Variants in MBOAT2 observed in about 807,000 individuals in gnomAD.
The protein encoded by MBOAT2 is membrane-bound glycerophospholipid O-acyltransferase 2.
A neutral mutation model predicts 63.4 loss-of-function variants in MBOAT2; 28 were observed. The observed-to-expected ratio is 0.44, with a 90% CI of 0.33 to 0.61. The LOEUF is 0.61. Ranked by LOEUF, MBOAT2 falls within the 20% of genes least tolerant of loss-of-function variation. The pLI, the probability that MBOAT2 is intolerant of heterozygous loss-of-function variation, is 0.03. For synonymous variants in MBOAT2, 211 were observed against 215.6 expected (o/e 0.98, Z 0.19); for missense variants, 470 against 605.8 (o/e 0.78, Z 2.35).
At chr2:8,877,005 C>A in intron 7 of MBOAT2, 25 bp downstream of exon 7, 1 of 1,580,458 alleles carries the variant, frequency 6.3e-7, no homozygotes, top group Non-Finnish European at 8.6e-7. Flanking sequence ...GCTGTAAAGG[C>A]TCCAGATAAA....
Position 8,854,927 on chromosome 2 carries a change from A to T in MBOAT2, c.*3752T>A, listed in dbSNP as rs1319809522. On this transcript the variant is annotated 3_prime_UTR_variant, in exon 13 of 13. Coordinates refer to ENST00000305997, the MANE Select transcript of MBOAT2 (RefSeq NM_138799.4). Reference sequence around the variant, plus strand: ...CCCTGTCCAGTAGTCAGTAATCTGTATAAAATATTTCAGAGCATATATCTT... The same window carrying T: ...CCCTGTCCAGTAGTCAGTAATCTGTTTAAAATATTTCAGAGCATATATCTT... 1 of 152,258 alleles carries T rather than the reference A, an allele frequency of 6.6e-6. No homozygotes were observed. The highest frequency in any genetic ancestry group is 1.5e-5 in the Non-Finnish European group (1 of 68,042). 9.4% of individuals were successfully genotyped at this position (152,258 alleles called of 1,614,324 possible).
At chr2:8,925,681 A>C (rs1262629039) in intron 3 of MBOAT2, among the ~76,000 whole-genome samples, 1 of 152,220 alleles carries the variant, frequency 6.6e-6, no homozygotes, top group Non-Finnish European at 1.5e-5. Context: ...TGAGGACACA[A>C]TATTGAACAA....
At chr2:8,910,772 C>T (rs1303824308) in intron 3 of MBOAT2, among the ~76,000 whole-genome samples, 1 of 152,132 alleles carries the variant, frequency 6.6e-6, no homozygotes, top group Non-Finnish European at 1.5e-5. Flanking sequence ...ACACAGGAAG[C>T]CCACATAGTT....
At chr2:8,927,592 G>A (rs531803422) in intron 3 of MBOAT2, among the ~76,000 whole-genome samples, 2 of 152,306 alleles carry the variant, frequency 1.3e-5, no homozygotes, top group South Asian at 2.1e-4. Context: ...GGCTGGGAAA[G>A]TACCCAGTGG....
intron 1 of MBOAT2, among the ~76,000 whole-genome samples, chr2:8,977,885 A>C (rs1174936579): frequency 1.3e-5 from 2 of 152,054 alleles, no homozygotes; most frequent in African/African-American, 4.8e-5. Context: ...CCTGCCCTCC[A>C]CAAGGAATCC....
chr2:8,952,738 CTT>C (rs1283665939), intron 2 of MBOAT2, among the ~76,000 whole-genome samples: 70 of 137,904 alleles, frequency 5.1e-4, no homozygotes, highest in Admixed American at 5.0e-4. Context: ...ATGTAACGCC[CTT>C]TTTTTTTTTT....
intron 4 of MBOAT2, among the ~76,000 whole-genome samples, chr2:8,898,725 G>A (rs1488203223): frequency 6.6e-6 from 1 of 152,218 alleles, no homozygotes; most frequent in African/African-American, 2.4e-5. Context: ...ACGTAAGTTG[G>A]GACGTGTGGT....
At chr2:8,893,133 T>G (rs1664143953) in intron 4 of MBOAT2, among the ~76,000 whole-genome samples, 1 of 145,568 alleles carries the variant, frequency 6.9e-6, no homozygotes, top group Non-Finnish European at 1.5e-5. Context: ...GGGGAGATGG[T>G]GGCTCAGACC....
chr2:8,996,130 T>A (rs1672285015), intron 1 of MBOAT2, among the ~76,000 whole-genome samples: 1 of 152,196 alleles, frequency 6.6e-6, no homozygotes, highest in Non-Finnish European at 1.5e-5. Context: ...TGCACCGCAA[T>A]GGCTCGGCAG....
chr2:8,936,954 C>G (rs755962921), intron 3 of MBOAT2, among the ~76,000 whole-genome samples: 6 of 152,170 alleles, frequency 3.9e-5, no homozygotes, highest in Non-Finnish European at 8.8e-5. Context: ...GCTGCCTTCG[C>G]CAGGGAAAAT....
intron 6 of MBOAT2, among the ~76,000 whole-genome samples, chr2:8,879,050 T>C (rs1193474929): frequency 7.7e-6 from 1 of 129,402 alleles, no homozygotes; most frequent in Non-Finnish European, 1.6e-5. Flanking sequence ...CACTCCAGCC[T>C]GGGCGACAGA....
rs560236259 is a variant in MBOAT2, at chr2:8,877,534, C to T, written c.507-321G>A. Among the ~76,000 whole-genome samples, 7 of 152,330 alleles carry T rather than the reference C, an allele frequency of 4.6e-5. 1 individual carries two copies. The South Asian group carries it at 8.3e-4, about 18-fold the overall frequency. On this transcript the variant is annotated intron_variant, in intron 6 of 12. Transcript: ENST00000305997. Reference sequence around the variant, plus strand: ...CAATCATTTGCTCTTCTAACAAACACGTGCTGTGCACTGTGTGCCCCACCT... The same window carrying T: ...CAATCATTTGCTCTTCTAACAAACATGTGCTGTGCACTGTGTGCCCCACCT...
At chr2:8,934,581 T>C (rs1352908703) in intron 3 of MBOAT2, among the ~76,000 whole-genome samples, 1 of 152,230 alleles carries the variant, frequency 6.6e-6, no homozygotes, top group Non-Finnish European at 1.5e-5. Context: ...AAATCAATTT[T>C]AGAATTACTC....
intron 1 of MBOAT2, among the ~76,000 whole-genome samples, chr2:8,969,550 T>C (rs189474834): frequency 4.0e-4 from 61 of 152,324 alleles, no homozygotes; most frequent in African/African-American, 1.4e-3. Flanking sequence ...ATGGGCTAAA[T>C]GCTCCATTTA....
chr2:8,874,297 A>G (rs1296749348), intron 7 of MBOAT2, among the ~76,000 whole-genome samples: 1 of 152,190 alleles, frequency 6.6e-6, no homozygotes, highest in Non-Finnish European at 1.5e-5. Flanking sequence ...AGCAGTTGTT[A>G]TTCTCATTTT....
intron 7 of MBOAT2, among the ~76,000 whole-genome samples, chr2:8,874,881 A>G (rs1281237424): frequency 1.3e-5 from 2 of 152,242 alleles, no homozygotes; most frequent in East Asian, 3.8e-4. Flanking sequence ...CTATATGATT[A>G]GGTTCTGGCC....
intron 1 of MBOAT2, among the ~76,000 whole-genome samples, chr2:8,965,220 A>T (rs1465510325): frequency 1.3e-5 from 2 of 152,326 alleles, no homozygotes; most frequent in East Asian, 3.9e-4. Context: ...GGAATTCTGA[A>T]TTTTCCACTT....
At chr2:8,887,727 C>A (rs995615274) in intron 5 of MBOAT2, among the ~76,000 whole-genome samples, 2 of 152,168 alleles carry the variant, frequency 1.3e-5, no homozygotes, top group Non-Finnish European at 2.9e-5. Flanking sequence ...AAAACCTGAT[C>A]TAGACCAAAT....
At chr2:8,886,227 G>A (rs1020268654) in intron 5 of MBOAT2, among the ~76,000 whole-genome samples, 3 of 152,302 alleles carry the variant, frequency 2.0e-5, no homozygotes, top group East Asian at 1.9e-4. Flanking sequence ...AAATAAGTCC[G>A]TTCTCTGTGA....
Sources: gnomAD v4.1 joint callset for allele counts (sites outside exome capture counted in the v4.1 genomes callset) on GRCh38, gnomAD v4.1.1 for gene constraint, MANE v1.5 for transcripts, NCBI Gene and HGNC (gene_info 2026-07-23, HGNC 2026-07-21) for gene names.